Variants in GABRG3 observed in about 807,000 individuals in gnomAD.
The protein encoded by GABRG3 is gamma-aminobutyric acid receptor subunit gamma-3.
In GABRG3, 25 loss-of-function variants were observed where a neutral mutation model predicts 48.8. The observed-to-expected ratio is 0.51, with a 90% CI of 0.37 to 0.72. The LOEUF (loss-of-function observed/expected upper bound fraction) is 0.72. Ranked by LOEUF, GABRG3 falls within the 30% of genes least tolerant of loss-of-function variation. GABRG3 has a pLI of 0.00. For missense variants in GABRG3, 394 were observed against 577.9 expected (o/e 0.68, Z 3.26); for synonymous variants, 227 against 217.6 (o/e 1.04, Z -0.38).
At chr15:27,446,998 A>G (rs1235881774) in intron 5 of GABRG3, among the ~76,000 whole-genome samples, 1 of 152,132 alleles carries the variant, frequency 6.6e-6, no homozygotes, top group African/African-American at 2.4e-5. Context: ...TGCTCCTCCC[A>G]TGCACCAGGG....
chr15:27,148,093 C>T (rs1030204104), intron 3 of GABRG3, among the ~76,000 whole-genome samples: 14 of 151,686 alleles, frequency 9.2e-5, no homozygotes, highest in South Asian at 2.1e-4. Flanking sequence ...AAAGAGTAGA[C>T]GCACATTACT....
chr15:27,424,598 G>C (rs1178263035), intron 5 of GABRG3, among the ~76,000 whole-genome samples: 1 of 146,732 alleles, frequency 6.8e-6, no homozygotes, highest in Non-Finnish European at 1.5e-5. Context: ...TTGTCACCCA[G>C]GCTGGAGTGC....
At chr15:27,244,138 T>C (rs1051402646) in intron 3 of GABRG3, among the ~76,000 whole-genome samples, 1 of 152,150 alleles carries the variant, frequency 6.6e-6, no homozygotes, top group Non-Finnish European at 1.5e-5. Flanking sequence ...CCACCAACCA[T>C]CTTTTTTAAG....
intron 3 of GABRG3, among the ~76,000 whole-genome samples, chr15:27,063,061 C>T (rs1316424944): frequency 6.6e-6 from 1 of 152,058 alleles, no homozygotes; most frequent in Non-Finnish European, 1.5e-5. Flanking sequence ...GATGCGTTTT[C>T]CCCCCCAATG....
intron 2 of GABRG3, among the ~76,000 whole-genome samples, chr15:27,016,907 T>A (rs1371713235): frequency 1.3e-5 from 2 of 152,230 alleles, no homozygotes; most frequent in East Asian, 3.9e-4. Flanking sequence ...TTAAATTCGC[T>A]TAATGTATTC....
intron 5 of GABRG3, among the ~76,000 whole-genome samples, chr15:27,426,277 C>T (rs903026675): frequency 3.9e-5 from 6 of 152,108 alleles, no homozygotes; most frequent in Admixed American, 1.3e-4. Flanking sequence ...AAGCAGGCCT[C>T]GTTTTGTTAA....
intron 3 of GABRG3, among the ~76,000 whole-genome samples, chr15:27,113,430 A>C (rs1897588680): frequency 6.6e-6 from 1 of 152,206 alleles, no homozygotes; most frequent in Non-Finnish European, 1.5e-5. Flanking sequence ...ATGACATAGA[A>C]TACCAAAGAA....
chr15:26,994,937 A>G (rs1428024442), intron 2 of GABRG3, among the ~76,000 whole-genome samples: 1 of 151,980 alleles, frequency 6.6e-6, no homozygotes, highest in Admixed American at 6.6e-5. Flanking sequence ...TTCTGCTGTT[A>G]TTGGATGGAG....
chr15:27,388,896 A>G (rs1896134318), intron 5 of GABRG3, among the ~76,000 whole-genome samples: 1 of 152,144 alleles, frequency 6.6e-6, no homozygotes, highest in Admixed American at 6.5e-5. Context: ...ACAGAGAGAG[A>G]CCTGAATTTT....
intron 3 of GABRG3, among the ~76,000 whole-genome samples, chr15:27,043,608 C>T (rs1896314383): frequency 1.3e-5 from 2 of 152,220 alleles, no homozygotes; most frequent in South Asian, 2.1e-4. Flanking sequence ...GCAGAGCCCC[C>T]TCCTCTGCTC....
At chr15:27,117,090 C>T (rs967492955) in intron 3 of GABRG3, among the ~76,000 whole-genome samples, 2 of 152,154 alleles carry the variant, frequency 1.3e-5, no homozygotes, top group Non-Finnish European at 2.9e-5. Context: ...CAAATTCAGG[C>T]AGAAGGATGT....
At chr15:27,417,555 G>A (rs7175944) in intron 5 of GABRG3, among the ~76,000 whole-genome samples, 8,939 of 152,038 alleles carry the variant, frequency 0.059, 850 homozygotes, top group African/African-American at 0.21. Context: ...CGGGGCTCAG[G>A]TGCCCTCAGG....
At chr15:27,388,003 GAAGGAAGGAAAGGGAGGAGGGAGGGAGGA>G in intron 5 of GABRG3, among the ~76,000 whole-genome samples, 2 of 122,714 alleles carry the variant, frequency 1.6e-5, no homozygotes, top group Admixed American at 1.6e-4. Flanking sequence ...AGGAAGGAAG[GAAGGAAGGAAAGGGAGGAGGGAGGGAGGA>G]AAGGAAGGAA....
At chr15:27,003,462 A>G in intron 2 of GABRG3, among the ~76,000 whole-genome samples, 2 of 151,610 alleles carry the variant, frequency 1.3e-5, no homozygotes, top group Non-Finnish European at 3.0e-5. Flanking sequence ...TGTTTAACAA[A>G]GCACATCTTG....
rs575875438 is a variant in GABRG3, at chr15:27,461,957, C to A, written c.575-18693C>A. On this transcript the variant is annotated intron_variant, in intron 5 of 9. Transcript: ENST00000615808. Reference sequence around the variant, plus strand: ...AACCTCAGTTGATTTATTTTCATTTCCCTGACTCTTGGATTCTTGGTGAAC... The same window carrying A: ...AACCTCAGTTGATTTATTTTCATTTACCTGACTCTTGGATTCTTGGTGAAC... 2.0e-5 allele frequency among the ~76,000 whole-genome samples: 3 copies of A among 152,284 alleles called. No individual in the cohort carries two copies. In the East Asian group the frequency reaches 5.8e-4, roughly 29 times the overall value.
intron 3 of GABRG3, among the ~76,000 whole-genome samples, chr15:27,141,416 C>T (rs1453634679): frequency 6.6e-6 from 1 of 152,176 alleles, no homozygotes; most frequent in Non-Finnish European, 1.5e-5. Flanking sequence ...ATTTCTAGGG[C>T]TCTCTGGTTC....
chr15:27,338,109 T>G (rs895283040), intron 5 of GABRG3, among the ~76,000 whole-genome samples: 1 of 152,160 alleles, frequency 6.6e-6, no homozygotes, highest in Non-Finnish European at 1.5e-5. Flanking sequence ...CTGCTATTAA[T>G]TCATGTGCCC....
intron 3 of GABRG3, among the ~76,000 whole-genome samples, chr15:27,194,691 T>G (rs1888437872): frequency 6.6e-6 from 1 of 152,204 alleles, no homozygotes; most frequent in Non-Finnish European, 1.5e-5. Context: ...TTAAGATTTT[T>G]TACCTTATTT....
chr15:27,371,676 A>C (rs1895420325), intron 5 of GABRG3, among the ~76,000 whole-genome samples: 2 of 152,162 alleles, frequency 1.3e-5, no homozygotes, highest in Admixed American at 6.5e-5. Flanking sequence ...GTTTGCATCC[A>C]AGTCTGTATA....
Sources: gnomAD v4.1 joint callset for allele counts (sites outside exome capture counted in the v4.1 genomes callset) on GRCh38, gnomAD v4.1.1 for gene constraint, MANE v1.5 for transcripts, NCBI Gene and HGNC (gene_info 2026-07-23, HGNC 2026-07-21) for gene names.